The following BTBD9 variants were observed in gnomAD, a reference collection of about 807,000 sequenced individuals.
BTBD9 encodes BTB/POZ domain-containing protein 9.
Under a neutral mutation model 64.3 loss-of-function variants are expected in BTBD9, and 49 were observed. The ratio of observed to expected loss-of-function variants is 0.76; its 90% CI spans 0.61 to 0.97. The LOEUF (loss-of-function observed/expected upper bound fraction) is 0.97, where lower values mean the gene tolerates loss of function less well. Among genes scored for constraint, BTBD9 ranks in the 50% least tolerant of loss-of-function variants. The pLI is 0.00. For missense variants in BTBD9, 598 were observed against 762.1 expected (o/e 0.78, Z 2.53); for synonymous variants, 260 against 274.7 (o/e 0.95, Z 0.53).
rs70981532 is a variant in BTBD9 at position 38,237,841 on chromosome 6, T to TAAA, written c.1562+18565_1562+18567dup. Among the ~76,000 whole-genome samples, 727 of 149,862 alleles carry TAAA rather than the reference T, an allele frequency of 4.9e-3. 3 individuals carry two copies. Among genetic ancestry groups the TAAA allele is most frequent in the African/African-American group, 0.016 (646 of 40,920 alleles). Reference sequence around the variant, plus strand: ...TTTTCAATGGTATTTTCCAATGTTTTAAAAAAAAAAAATCAGCCAGATATG... The same window carrying TAAA: ...TTTTCAATGGTATTTTCCAATGTTTTAAAAAAAAAAAAAAATCAGCCAGATATG... On this transcript the variant is annotated intron_variant, in intron 9 of 10. Coordinates refer to ENST00000481247, the MANE Select transcript of BTBD9 (RefSeq NM_001099272.2).
chr6:38,259,774 T>TTA (rs1029584176), intron 8 of BTBD9, among the ~76,000 whole-genome samples: 7 of 152,198 alleles, frequency 4.6e-5, no homozygotes, highest in African/African-American at 1.7e-4. Context: ...GAACTCATCT[T>TTA]TTAAGTAGAG....
chr6:38,398,871 C>A (rs895775590), intron 6 of BTBD9, among the ~76,000 whole-genome samples: 6 of 151,982 alleles, frequency 3.9e-5, no homozygotes, highest in African/African-American at 1.5e-4. Flanking sequence ...ATATACACTC[C>A]CTGCCCTCAG....
intron 6 of BTBD9, among the ~76,000 whole-genome samples, chr6:38,553,430 T>G (rs1185870282): frequency 6.6e-6 from 1 of 152,320 alleles, no homozygotes; most frequent in East Asian, 1.9e-4. Context: ...TTAGCCAGCT[T>G]AACTTAATTC....
At chr6:38,289,834 G>A (rs146304287) in intron 7 of BTBD9, among the ~76,000 whole-genome samples, 2 of 152,214 alleles carry the variant, frequency 1.3e-5, no homozygotes, top group Admixed American at 1.3e-4. Context: ...TCACTATGAT[G>A]TAAGTTCTCT....
At chr6:38,500,710 A>G (rs1359231610) in intron 6 of BTBD9, among the ~76,000 whole-genome samples, 1 of 152,244 alleles carries the variant, frequency 6.6e-6, no homozygotes, top group African/African-American at 2.4e-5. Context: ...CCGGAAGCGC[A>G]TGCATGAATT....
At chr6:38,354,391 T>C (rs958983830) in intron 6 of BTBD9, among the ~76,000 whole-genome samples, 2 of 152,168 alleles carry the variant, frequency 1.3e-5, no homozygotes, top group African/African-American at 2.4e-5. Context: ...TATGTTCATA[T>C]ATATAATATA....
chr6:38,518,465 T>C (rs1334652936), intron 6 of BTBD9, among the ~76,000 whole-genome samples: 1 of 152,232 alleles, frequency 6.6e-6, no homozygotes, highest in Non-Finnish European at 1.5e-5. Context: ...AAAGGTTTCT[T>C]AGCTCTTTCG....
At chr6:38,232,358 C>A (rs1414092697) in intron 9 of BTBD9, among the ~76,000 whole-genome samples, 1 of 151,896 alleles carries the variant, frequency 6.6e-6, no homozygotes, top group Non-Finnish European at 1.5e-5. Flanking sequence ...GCAAGCTCTG[C>A]CTCCCGGGTT....
intron 6 of BTBD9, among the ~76,000 whole-genome samples, chr6:38,477,903 C>A (rs1418609599): frequency 6.6e-6 from 1 of 152,202 alleles, no homozygotes; most frequent in Non-Finnish European, 1.5e-5. Context: ...AGTGGAAAGA[C>A]AATTCACACA....
intron 2 of BTBD9, chr6:38,595,882 G>C (rs1226248535): frequency 1.3e-5 from 13 of 985,044 alleles, no homozygotes; most frequent in Middle Eastern, 5.2e-4. Context: ...TCCTTCTCGG[G>C]GAGACCTCAA....
At chr6:38,482,188 C>G (rs1450127176) in intron 6 of BTBD9, 2 of 152,118 alleles carry the variant, frequency 1.3e-5, no homozygotes, top group Admixed American at 1.3e-4. Context: ...TACTCTTGCC[C>G]GAAGCCCTCT....
intron 8 of BTBD9, among the ~76,000 whole-genome samples, chr6:38,266,214 T>C (rs1244690621): frequency 6.6e-6 from 1 of 152,254 alleles, no homozygotes; most frequent in African/African-American, 2.4e-5. Flanking sequence ...CTCTTTTTTT[T>C]CTTTTAACAA....
intron 6 of BTBD9, among the ~76,000 whole-genome samples, chr6:38,464,505 C>CT (rs1554158263): frequency 1.1e-4 from 17 of 151,208 alleles, no homozygotes; most frequent in Non-Finnish European, 1.8e-4. Flanking sequence ...CTTTTCTTTT[C>CT]TTTTTTTTGA....
chr6:38,269,432 A>T (rs1765125012), intron 8 of BTBD9, among the ~76,000 whole-genome samples: 1 of 152,130 alleles, frequency 6.6e-6, no homozygotes, highest in Admixed American at 6.5e-5. Flanking sequence ...ATCACTGGCC[A>T]CTCAGTATAG....
intron 6 of BTBD9, among the ~76,000 whole-genome samples, chr6:38,538,476 C>T (rs1017135358): frequency 2.6e-5 from 4 of 152,154 alleles, no homozygotes; most frequent in African/African-American, 9.7e-5. Context: ...GTGTTATCTA[C>T]ATAATATTTT....
At chr6:38,393,516 A>C (rs1472622165) in intron 6 of BTBD9, among the ~76,000 whole-genome samples, 2 of 152,224 alleles carry the variant, frequency 1.3e-5, no homozygotes, top group African/African-American at 4.8e-5. Context: ...CTAATAAAAA[A>C]AAAAAAATCT....
rs113372112 is a variant in BTBD9 at position 38,517,789 on chromosome 6, T to C, written c.1154+59811A>G. Among the ~76,000 whole-genome samples the C allele has an allele frequency of 9.8e-3, 1,494 of 152,322 alleles. 12 individuals carry two copies. The highest frequency in any genetic ancestry group is 0.016 in the Non-Finnish European group (1,077 of 68,022). On this transcript the variant is annotated intron_variant, in intron 6 of 10. Coordinates refer to ENST00000481247, the MANE Select transcript of BTBD9 (RefSeq NM_001099272.2). ...TCTTAGTTTGTTGTAAAGCAAAAGC[T>C]AGCTGGCTCTATAACACATCGAATC...
chr6:38,488,711 A>C (rs1178753450), intron 6 of BTBD9, among the ~76,000 whole-genome samples: 2 of 152,214 alleles, frequency 1.3e-5, no homozygotes, highest in African/African-American at 4.8e-5. Flanking sequence ...CATTTTGTTA[A>C]GAAAAATTAA....
intron 7 of BTBD9, among the ~76,000 whole-genome samples, chr6:38,313,747 CTTTTTTTTTTT>C (rs765375990): frequency 1.6e-5 from 2 of 128,908 alleles, no homozygotes; most frequent in African/African-American, 5.7e-5. Context: ...GATGAATTAT[CTTTTTTTTTTT>C]TTTTTTTTTG....
Sources: gnomAD v4.1 joint callset for allele counts (sites outside exome capture counted in the v4.1 genomes callset) on GRCh38, gnomAD v4.1.1 for gene constraint, MANE v1.5 for transcripts, NCBI Gene and HGNC (gene_info 2026-07-23, HGNC 2026-07-21) for gene names.